Variants in DACH1 observed in about 807,000 individuals in gnomAD.
DACH1 encodes dachshund homolog 1.
A neutral mutation model predicts 54.2 loss-of-function variants in DACH1; 12 were observed. The ratio of observed to expected loss-of-function variants is 0.22; its 90% CI spans 0.14 to 0.36. DACH1 has a LOEUF of 0.36. Ranked by LOEUF, DACH1 falls within the 10% of genes least tolerant of loss-of-function variation. The pLI, the probability that DACH1 is intolerant of heterozygous loss-of-function variation, is 1.00. For synonymous variants in DACH1, 386 were observed against 366.2 expected (o/e 1.05, Z -0.62); for missense variants, 805 against 929.8 (o/e 0.87, Z 1.75).
At chr13:71,445,720 A>T (rs7329109) in intron 10 of DACH1, among the ~76,000 whole-genome samples, 142,455 of 152,240 alleles carry the variant, frequency 0.94, 67,393 homozygotes, top group East Asian at 1. Context: ...TTGCAGATCA[A>T]TAAAAGTCTG....
At chr13:71,775,430 G>A (rs1886028039) in intron 1 of DACH1, among the ~76,000 whole-genome samples, 1 of 152,048 alleles carries the variant, frequency 6.6e-6, no homozygotes, top group Non-Finnish European at 1.5e-5. Context: ...AAAGATAATG[G>A]TATGTTCATT....
chr13:71,525,481 T>C (rs1474898298), intron 6 of DACH1, among the ~76,000 whole-genome samples: 1 of 152,140 alleles, frequency 6.6e-6, no homozygotes, highest in Non-Finnish European at 1.5e-5. Context: ...TATAAATTAT[T>C]TTCCCCACAG....
At chr13:71,573,329 T>C (rs1885330493) in intron 3 of DACH1, 8 of 676,218 alleles carry the variant, frequency 1.2e-5, no homozygotes, top group South Asian at 1.7e-5. Flanking sequence ...GTAAATATAG[T>C]ATATCTCTTT....
intron 1 of DACH1, among the ~76,000 whole-genome samples, chr13:71,816,293 G>A (rs545149838): frequency 6.6e-6 from 1 of 152,070 alleles, no homozygotes; most frequent in African/African-American, 2.4e-5. Flanking sequence ...TAGATCAGGG[G>A]CATGTGACCC....
At chr13:71,444,769 A>C (rs933664578) in intron 10 of DACH1, among the ~76,000 whole-genome samples, 1 of 152,282 alleles carries the variant, frequency 6.6e-6, no homozygotes, top group Middle Eastern at 3.4e-3. Context: ...CATGGTCTAC[A>C]AAGTGGTACC....
intron 1 of DACH1, among the ~76,000 whole-genome samples, chr13:71,732,090 T>C (rs1425683152): frequency 6.6e-6 from 1 of 152,156 alleles, no homozygotes; most frequent in Non-Finnish European, 1.5e-5. Context: ...CTGCCAATAT[T>C]TGGGGGATCT....
intron 7 of DACH1, among the ~76,000 whole-genome samples, chr13:71,485,035 G>A (rs959867931): frequency 2.0e-5 from 3 of 151,370 alleles, no homozygotes; most frequent in East Asian, 1.9e-4. Context: ...CAGCCTGGGC[G>A]ACAGAGGGAG....
chr13:71,547,027 G>C (rs1026568706), intron 6 of DACH1, among the ~76,000 whole-genome samples: 1 of 151,926 alleles, frequency 6.6e-6, no homozygotes, highest in Non-Finnish European at 1.5e-5. Flanking sequence ...CATTTATTAT[G>C]ATAGCTTCCC....
intron 6 of DACH1, among the ~76,000 whole-genome samples, chr13:71,542,284 T>A (rs73521252): frequency 6.6e-6 from 1 of 151,844 alleles, no homozygotes; most frequent in Admixed American, 6.6e-5. Flanking sequence ...GATACATACA[T>A]ACATACTTGA....
chr13:71,518,421 A>G (rs779036288), intron 6 of DACH1, among the ~76,000 whole-genome samples: 5 of 151,862 alleles, frequency 3.3e-5, no homozygotes, highest in Admixed American at 6.6e-5. Flanking sequence ...TAACCCATCC[A>G]GGCTGTGGCA....
chr13:71,739,527 C>A (rs1430085113), intron 1 of DACH1, among the ~76,000 whole-genome samples: 1 of 151,994 alleles, frequency 6.6e-6, no homozygotes, highest in Admixed American at 6.6e-5. Flanking sequence ...ATTTTACATT[C>A]TTTTTTCCTA....
At position 71,646,298 on chromosome 13, in the gene DACH1, T is replaced by C. The variant is rs370137685; in HGVS notation, c.965-15581A>G. Among the ~76,000 whole-genome samples the C allele has an allele frequency of 2.7e-3, 414 of 150,738 alleles. 2 individuals carry two copies. The highest frequency in any genetic ancestry group is 9.6e-3 in the African/African-American group (394 of 40,946). On this transcript the variant is annotated intron_variant, in intron 2 of 10. Coordinates refer to ENST00000613252, the MANE Select transcript of DACH1 (RefSeq NM_080759.6). ...CTTGCAGTGAGCCGAGACTGCGCCA[T>C]TGCACTCCAGCCTGGGCAACCAGAG...
At chr13:71,829,491 A>G (rs1246337859) in intron 1 of DACH1, among the ~76,000 whole-genome samples, 2 of 152,012 alleles carry the variant, frequency 1.3e-5, no homozygotes, top group African/African-American at 4.8e-5. Context: ...ATAAATTTAT[A>G]CAAAATTAAA....
intron 1 of DACH1, among the ~76,000 whole-genome samples, chr13:71,855,250 GA>G (rs1873928822): frequency 6.6e-6 from 1 of 151,926 alleles, no homozygotes; most frequent in Non-Finnish European, 1.5e-5. Flanking sequence ...CTTTTAATTT[GA>G]AAAGGAATTT....
chr13:71,496,306 T>TACACAC (rs1555287656), intron 6 of DACH1, among the ~76,000 whole-genome samples: 1 of 46,112 alleles, frequency 2.2e-5, no homozygotes, highest in East Asian at 8.1e-4. Context: ...TATATATATA[T>TACACAC]ACACACACAA....
chr13:71,832,513 G>T (rs1888631355), intron 1 of DACH1, among the ~76,000 whole-genome samples: 1 of 151,890 alleles, frequency 6.6e-6, no homozygotes, highest in Admixed American at 6.6e-5. Flanking sequence ...CATAAAATAA[G>T]TTGCAATCTC....
intron 6 of DACH1, among the ~76,000 whole-genome samples, chr13:71,493,114 C>A (rs767990941): frequency 6.6e-6 from 1 of 151,844 alleles, no homozygotes; most frequent in Non-Finnish European, 1.5e-5. Flanking sequence ...TAGTCACACC[C>A]TGTCTGGTCC....
At chr13:71,670,023 CAA>C (rs75817985) in intron 2 of DACH1, among the ~76,000 whole-genome samples, 26 of 113,456 alleles carry the variant, frequency 2.3e-4, no homozygotes, top group Admixed American at 2.8e-4. Flanking sequence ...CTAAATTAGC[CAA>C]AAAAAAAAAA....
At chr13:71,677,490 C>T (rs1022686920) in intron 2 of DACH1, among the ~76,000 whole-genome samples, 52 of 152,230 alleles carry the variant, frequency 3.4e-4, no homozygotes, top group Middle Eastern at 3.4e-3. Context: ...CAAGCAATCT[C>T]AAAGTTTGTT....
Sources: gnomAD v4.1 joint callset for allele counts (sites outside exome capture counted in the v4.1 genomes callset) on GRCh38, gnomAD v4.1.1 for gene constraint, MANE v1.5 for transcripts, NCBI Gene and HGNC (gene_info 2026-07-23, HGNC 2026-07-21) for gene names.